Variants in APOOL observed in about 807,000 individuals in gnomAD.
APOOL encodes the protein apolipoprotein O like, also known as MICOS complex subunit MIC27.
APOOL carries 12 observed loss-of-function variants against 23.1 expected under a neutral mutation model. That is an observed-to-expected ratio of 0.52 (90% CI 0.33 to 0.84). The LOEUF is 0.84. APOOL is among the 40% of genes least tolerant of loss of function. APOOL has a pLI of 0.02. For synonymous variants in APOOL, 77 were observed against 69.9 expected (o/e 1.10, Z -0.51); for missense variants, 212 against 199.6 (o/e 1.06, Z -0.37).
chrX:85,017,980 T>C (rs1921535487), intron 1 of APOOL, among the ~76,000 whole-genome samples: 1 of 112,011 alleles, frequency 8.9e-6, no homozygotes, highest in African/African-American at 3.2e-5. Context: ...CAAAAGTTCA[T>C]GGTATGAGTC....
At chrX:85,038,982 G>T (rs760344475) in intron 1 of APOOL, among the ~76,000 whole-genome samples, 11 of 110,267 alleles carry the variant, frequency 1.0e-4, no homozygotes, top group African/African-American at 3.0e-4. Flanking sequence ...AATTCCTCTA[G>T]GTGTGATGTT....
chrX:85,067,305 A>G lies in APOOL; in HGVS notation c.486+87A>G, dbSNP rs1602784313. ...ATTTAAATGTTACACAGCACCTGCA[A>G]CATTTAATTTTAAGAGACATAGTTG... On this transcript the variant is annotated intron_variant, in intron 6 of 8. Transcript: ENST00000373173. 4.8e-6 allele frequency: 3 copies of G among 626,307 alleles called. No individual in the cohort carries two copies. The East Asian group carries it at 1.1e-4, about 23-fold the overall frequency. The allele number at this position is 626,307 out of a possible 1,213,427, so 51.6% of individuals were successfully genotyped here. A position where few individuals can be genotyped will look rare whatever the true frequency, so the allele number is the denominator to read the frequency against.
intron 1 of APOOL, among the ~76,000 whole-genome samples, chrX:85,031,772 C>T (rs748873698): frequency 9.0e-6 from 1 of 111,649 alleles, no homozygotes; most frequent in Non-Finnish European, 1.9e-5. Flanking sequence ...CAGAGGAAGG[C>T]GGTAAAGGTT....
intron 4 of APOOL, 74 bp downstream of exon 4, chrX:85,054,472 T>A: frequency 1.1e-6 from 1 of 926,773 alleles, no homozygotes; most frequent in Middle Eastern, 3.0e-4. Flanking sequence ...AAAAATAAAC[T>A]TGGTATGTTA....
intron 8 of APOOL, among the ~76,000 whole-genome samples, chrX:85,083,825 A>C (rs1417417312): frequency 8.9e-6 from 1 of 111,999 alleles, no homozygotes; most frequent in Non-Finnish European, 1.9e-5. Flanking sequence ...CAGATATCAC[A>C]TAAGGGCTAT....
chrX:85,035,479 C>A (rs753163855), intron 1 of APOOL, among the ~76,000 whole-genome samples: 1 of 110,978 alleles, frequency 9.0e-6, no homozygotes, highest in Non-Finnish European at 1.9e-5. Flanking sequence ...TCAATTTTTG[C>A]TTTTGTTGGA....
intron 1 of APOOL, among the ~76,000 whole-genome samples, chrX:85,020,353 G>A (rs772097070): frequency 9.9e-5 from 11 of 111,621 alleles, no homozygotes; most frequent in African/African-American, 3.6e-4. Context: ...GTTTTACATT[G>A]CCTATGTCAC....
intron 1 of APOOL, among the ~76,000 whole-genome samples, chrX:85,028,021 T>C (rs1440925529): frequency 8.9e-6 from 1 of 111,748 alleles, no homozygotes; most frequent in Non-Finnish European, 1.9e-5. Flanking sequence ...GTATGATTGC[T>C]GAGTCCTATG....
intron 1 of APOOL, among the ~76,000 whole-genome samples, chrX:85,034,742 G>A (rs1443155975): frequency 4.5e-5 from 5 of 112,035 alleles, no homozygotes; most frequent in African/African-American, 1.6e-4. Flanking sequence ...CATTAATTCA[G>A]TTAGGATAAT....
intron 6 of APOOL, 49 bp from the exon 7 acceptor site, chrX:85,073,949 T>C: frequency 1.1e-6 from 1 of 912,789 alleles, no homozygotes; most frequent in Non-Finnish European, 1.5e-6. Context: ...ACATTTTTAA[T>C]TTTAACTTTT....
At chrX:85,048,911 A>AT (rs1158230654) in intron 2 of APOOL, among the ~76,000 whole-genome samples, 2 of 110,694 alleles carry the variant, frequency 1.8e-5, no homozygotes, top group African/African-American at 6.6e-5. Flanking sequence ...TGAGACAATC[A>AT]TTTTTTTTAA....
At chrX:85,083,028 ACT>A (rs1229868925) in intron 8 of APOOL, among the ~76,000 whole-genome samples, 1 of 111,044 alleles carries the variant, frequency 9.0e-6, no homozygotes, top group African/African-American at 3.3e-5. Flanking sequence ...AGGTTAACTG[ACT>A]CTTACTAAAA....
At chrX:85,046,129 T>G (rs375241236) in intron 1 of APOOL, among the ~76,000 whole-genome samples, 1 of 111,366 alleles carries the variant, frequency 9.0e-6, no homozygotes, top group East Asian at 2.8e-4. Flanking sequence ...TCAAGACCAA[T>G]CCCACTCCAT....
rs1237608766 is a variant in APOOL, at chrX:85,014,651, A to T, written c.15+10724A>T. Among the ~76,000 whole-genome samples the T allele has an allele frequency of 3.6e-5, 4 of 110,454 alleles. No homozygotes were observed. In the South Asian group the frequency reaches 1.6e-3, roughly 43 times the overall value. ...TAAGGAGGTTAAAGATAGGACCCCA[A>T]TTCCTTCTGGCTGTAAAGTTTCTGC... is the stretch of plus-strand genomic sequence containing the variant. On this transcript the variant is annotated intron_variant, in intron 1 of 8. Coordinates refer to ENST00000373173, the MANE Select transcript of APOOL (RefSeq NM_198450.6).
chrX:85,090,872 T>A lies in APOOL; in HGVS notation c.*3194T>A, dbSNP rs556431029. ...GTTGCCCAGGCTGGTCTCAAACTCA[T>A]GGCCTCAAGCGATCCTCCCACCTCA... On this transcript the variant is annotated 3_prime_UTR_variant, in exon 9 of 9. Transcript: ENST00000373173. The A allele has an allele frequency of 2.7e-5, 3 of 112,079 alleles. No homozygotes were observed. The Admixed American group carries it at 2.8e-4, about 11-fold the overall frequency. 9.2% of individuals were successfully genotyped at this position (112,079 alleles called of 1,213,427 possible). A position where few individuals can be genotyped will look rare whatever the true frequency, so the allele number is the denominator to read the frequency against.
chrX:85,076,855 T>C (rs1324807353), intron 8 of APOOL, among the ~76,000 whole-genome samples: 1 of 107,909 alleles, frequency 9.3e-6, no homozygotes, highest in Non-Finnish European at 1.9e-5. Context: ...GTCATAGACC[T>C]CTTCAAGAAT....
At chrX:85,003,959 G>A in intron 1 of APOOL, 32 bp downstream of exon 1, 1 of 1,210,048 alleles carries the variant, frequency 8.3e-7, no homozygotes, top group Non-Finnish European at 1.1e-6. Context: ...TAATTTCTGT[G>A]GGTGCCGATA....
intron 8 of APOOL, among the ~76,000 whole-genome samples, chrX:85,080,687 G>A (rs1924059662): frequency 9.0e-6 from 1 of 111,238 alleles, no homozygotes; most frequent in African/African-American, 3.3e-5. Flanking sequence ...TATTGACAGT[G>A]GGGTGTTAAA....
At chrX:85,046,256 T>C (rs1203529704) in intron 1 of APOOL, 190 bp from the exon 2 acceptor site, 1 of 365,614 alleles carries the variant, frequency 2.7e-6, no homozygotes, top group African/African-American at 2.6e-5. Context: ...AATAGTGCTC[T>C]GCCATCCAGT....
Sources: allele counts gnomAD v4.1 joint callset (sites outside exome capture counted in the v4.1 genomes callset), GRCh38; gene constraint gnomAD v4.1.1; transcripts MANE v1.5; gene names NCBI Gene and HGNC (gene_info 2026-07-23, HGNC 2026-07-21).